The following NRG1 variants were observed in gnomAD, a reference collection of about 807,000 sequenced individuals.
NRG1 encodes neuregulin 1.
NRG1 carries 18 observed loss-of-function variants against 63.8 expected under a neutral mutation model. That is an observed-to-expected ratio of 0.28 (90% CI 0.19 to 0.42). The LOEUF (loss-of-function observed/expected upper bound fraction) is 0.42, where lower values mean the gene tolerates loss of function less well. Ranked by LOEUF, NRG1 falls within the 10% of genes least tolerant of loss-of-function variation. The pLI is 1.00. For synonymous variants in NRG1, 302 were observed against 301.3 expected (o/e 1.00, Z -0.02); for missense variants, 762 against 814.7 (o/e 0.94, Z 0.79).
At chr8:32,518,916 C>G (rs1013429519) in intron 1 of NRG1, among the ~76,000 whole-genome samples, 4 of 152,146 alleles carry the variant, frequency 2.6e-5, no homozygotes, top group Non-Finnish European at 5.9e-5. Context: ...AACTAGTAGA[C>G]TACTGGATAC....
At chr8:32,181,730 A>C (rs1585897416) in intron 1 of NRG1, among the ~76,000 whole-genome samples, 1 of 152,246 alleles carries the variant, frequency 6.6e-6, no homozygotes, top group East Asian at 1.9e-4. Flanking sequence ...CTGAATCTTC[A>C]AGATATTTTA....
At chr8:32,134,165 T>C (rs1302397231) in intron 1 of NRG1, among the ~76,000 whole-genome samples, 1 of 152,158 alleles carries the variant, frequency 6.6e-6, no homozygotes, top group African/African-American at 2.4e-5. Context: ...ATGAAGACTC[T>C]ACATATAGAA....
rs142389783 is a variant in NRG1, at chr8:31,678,892, T to G, written c.37+39461T>G. Among the ~76,000 whole-genome samples the G allele has an allele frequency of 1.8e-3, 270 of 151,478 alleles. 2 individuals are homozygous for G. Among genetic ancestry groups the G allele is most frequent in the African/African-American group, 6.1e-3 (253 of 41,434 alleles). On this transcript the variant is annotated intron_variant, in intron 1 of 10. Transcript: ENST00000519301. ...TTGGTAGTACTGGTGGTTATAATGT[T>G]TTTAACTGTCTTTCTTATTCACTGA...
chr8:31,910,294 A>G (rs987896042), intron 1 of NRG1, among the ~76,000 whole-genome samples: 3 of 147,676 alleles, frequency 2.0e-5, no homozygotes, highest in African/African-American at 7.5e-5. Flanking sequence ...GACATGCAGC[A>G]TAGAATGGAA....
chr8:31,983,162 T>C (rs1394607576), intron 1 of NRG1, among the ~76,000 whole-genome samples: 1 of 152,172 alleles, frequency 6.6e-6, no homozygotes, highest in Non-Finnish European at 1.5e-5. Context: ...ATATATATCA[T>C]AGCCCTTGAA....
intron 1 of NRG1, among the ~76,000 whole-genome samples, chr8:31,915,172 C>G (rs1833277397): frequency 6.6e-6 from 1 of 151,770 alleles, no homozygotes; most frequent in Non-Finnish European, 1.5e-5. Context: ...TATCTGAGGA[C>G]TGGTGATTCA....
chr8:32,146,266 T>C (rs1312440806), intron 1 of NRG1, among the ~76,000 whole-genome samples: 2 of 152,200 alleles, frequency 1.3e-5, no homozygotes, highest in East Asian at 3.8e-4. Context: ...AGAGAACTTG[T>C]GAAAGGTGGT....
chr8:32,548,720 C>G, exon 1 of NRG1: 1 of 1,574,674 alleles, frequency 6.4e-7, no homozygotes, highest in East Asian at 2.3e-5. Flanking sequence ...GCTCCGTCTC[C>G]GGCGAGATGT....
intron 1 of NRG1, among the ~76,000 whole-genome samples, chr8:32,525,207 T>C (rs1167499200): frequency 6.6e-6 from 1 of 151,856 alleles, no homozygotes; most frequent in African/African-American, 2.4e-5. Flanking sequence ...AGCTAAGGAG[T>C]CCGGTGCCCA....
intron 1 of NRG1, among the ~76,000 whole-genome samples, chr8:32,359,933 A>T (rs755204937): frequency 8.5e-5 from 13 of 152,158 alleles, no homozygotes; most frequent in Middle Eastern, 3.2e-3. Flanking sequence ...ATGGCATATG[A>T]GTGTTGATGG....
chr8:32,464,310 C>G (rs1191580700), intron 1 of NRG1, among the ~76,000 whole-genome samples: 1 of 108,598 alleles, frequency 9.2e-6, no homozygotes, highest in Non-Finnish European at 1.7e-5. Flanking sequence ...ATGTCGTCAA[C>G]ACAGAACTGT....
At chr8:31,888,386 T>A (rs1193629828) in intron 1 of NRG1, among the ~76,000 whole-genome samples, 1 of 152,124 alleles carries the variant, frequency 6.6e-6, no homozygotes. Context: ...ACCTCTACTT[T>A]CTGAATTTTA....
At chr8:32,416,035 A>G (rs929362577) in intron 1 of NRG1, among the ~76,000 whole-genome samples, 1 of 152,224 alleles carries the variant, frequency 6.6e-6, no homozygotes, top group Non-Finnish European at 1.5e-5. Context: ...CTAAAGCGTC[A>G]GTAAAACATC....
At chr8:31,734,110 T>C (rs922650927) in intron 1 of NRG1, among the ~76,000 whole-genome samples, 32 of 151,998 alleles carry the variant, frequency 2.1e-4, no homozygotes, top group African/African-American at 7.7e-4. Flanking sequence ...GAGGATTGCA[T>C]GAGGTCAGGA....
chr8:31,918,628 A>G (rs1193679318), intron 1 of NRG1, among the ~76,000 whole-genome samples: 1 of 152,252 alleles, frequency 6.6e-6, no homozygotes, highest in East Asian at 1.9e-4. Context: ...GGATTTTTGC[A>G]TCAATGTTCA....
At chr8:31,953,740 A>T (rs1803872097) in intron 1 of NRG1, among the ~76,000 whole-genome samples, 2 of 152,198 alleles carry the variant, frequency 1.3e-5, no homozygotes, top group African/African-American at 4.8e-5. Context: ...AGTCATTTCA[A>T]CATATATTGA....
downstream of NRG1, among the ~76,000 whole-genome samples, chr8:32,771,077 A>T (rs1831751859): frequency 6.6e-6 from 1 of 152,080 alleles, no homozygotes; most frequent in African/African-American, 2.4e-5. Flanking sequence ...AATAATATTT[A>T]ACTTTGTAGC....
At chr8:32,317,971 C>T (rs1357214633) in intron 1 of NRG1, among the ~76,000 whole-genome samples, 2 of 151,992 alleles carry the variant, frequency 1.3e-5, no homozygotes, top group Non-Finnish European at 2.9e-5. Context: ...AAGCCACTTG[C>T]TTTTCCCAAA....
At chr8:31,988,261 AATT>A (rs1586288305) in intron 1 of NRG1, among the ~76,000 whole-genome samples, 1 of 152,242 alleles carries the variant, frequency 6.6e-6, no homozygotes, top group East Asian at 1.9e-4. Flanking sequence ...GTAACTGGTT[AATT>A]GATTGACACT....
Sources: gnomAD v4.1 joint callset for allele counts (sites outside exome capture counted in the v4.1 genomes callset) on GRCh38, gnomAD v4.1.1 for gene constraint, MANE v1.5 for transcripts, NCBI Gene and HGNC (gene_info 2026-07-23, HGNC 2026-07-21) for gene names.